The following SLC24A2 variants were observed in gnomAD, a reference collection of about 807,000 sequenced individuals.
SLC24A2 encodes sodium/potassium/calcium exchanger 2.
Under a neutral mutation model 62.0 loss-of-function variants are expected in SLC24A2, and 36 were observed. The ratio of observed to expected loss-of-function variants is 0.58; its 90% CI spans 0.44 to 0.77. SLC24A2 has a LOEUF of 0.77. Ranked by LOEUF, SLC24A2 falls within the 30% of genes least tolerant of loss-of-function variation. SLC24A2 has a pLI of 0.00. For synonymous variants in SLC24A2, 358 were observed against 294.0 expected (o/e 1.22, Z -2.23); for missense variants, 846 against 817.9 (o/e 1.03, Z -0.42).
At chr9:20,221,424 T>G in the SLC24A2 span, among the ~76,000 whole-genome samples, 3 of 151,916 alleles carry the variant, frequency 2.0e-5, no homozygotes. Flanking sequence ...GAAACTAATT[T>G]AGGTGAAAAA....
chr9:19,883,564 G>C, the SLC24A2 span, among the ~76,000 whole-genome samples: 2 of 85,160 alleles, frequency 2.3e-5, no homozygotes, highest in Admixed American at 1.8e-4. Flanking sequence ...TGATGTTTCT[G>C]TACATTGTTT....
the SLC24A2 span, among the ~76,000 whole-genome samples, chr9:19,869,078 C>A: frequency 2.0e-5 from 3 of 152,072 alleles, no homozygotes; most frequent in African/African-American, 7.2e-5. Flanking sequence ...ACCACCTGGG[C>A]TCAAGTGATC....
At chr9:19,664,007 A>G (rs1403928843) in intron 2 of SLC24A2, among the ~76,000 whole-genome samples, 1 of 152,248 alleles carries the variant, frequency 6.6e-6, no homozygotes, top group African/African-American at 2.4e-5. Context: ...TGCCATCCTG[A>G]GCACTGTGGT....
the SLC24A2 span, among the ~76,000 whole-genome samples, chr9:20,207,904 T>C: frequency 6.6e-6 from 1 of 152,330 alleles, no homozygotes; most frequent in East Asian, 1.9e-4. Flanking sequence ...TTTGTGTTTA[T>C]TTTTTACTTT....
chr9:20,074,599 A>G, the SLC24A2 span, among the ~76,000 whole-genome samples: 11 of 61,982 alleles, frequency 1.8e-4, no homozygotes, highest in East Asian at 7.5e-4. Context: ...GGAAGGAAGG[A>G]AGGAAAGAAG....
chr9:20,044,687 G>C, the SLC24A2 span, among the ~76,000 whole-genome samples: 1 of 152,090 alleles, frequency 6.6e-6, no homozygotes, highest in African/African-American at 2.4e-5. Context: ...GAGCTATAAA[G>C]CTCCAAAGAA....
intron 3 of SLC24A2, 41 bp downstream of exon 3, chr9:19,622,220 C>T: frequency 1.3e-6 from 2 of 1,590,888 alleles, no homozygotes; most frequent in Non-Finnish European, 1.7e-6. Context: ...ACGCTCTCCA[C>T]AGGCACACAA....
chr9:19,816,508 C>T, the SLC24A2 span, among the ~76,000 whole-genome samples: 2 of 152,026 alleles, frequency 1.3e-5, no homozygotes, highest in African/African-American at 4.8e-5. Flanking sequence ...TTGGTGGTAG[C>T]TACCTGTATT....
At chr9:20,079,117 A>T in the SLC24A2 span, among the ~76,000 whole-genome samples, 1 of 152,224 alleles carries the variant, frequency 6.6e-6, no homozygotes, top group East Asian at 1.9e-4. Flanking sequence ...TTGTCCTTAC[A>T]GCAGCCAGAA....
At chr9:19,753,636 C>T (rs1822049820) in intron 2 of SLC24A2, among the ~76,000 whole-genome samples, 1 of 152,168 alleles carries the variant, frequency 6.6e-6, no homozygotes, top group Admixed American at 6.6e-5. Context: ...TTAGGCACTT[C>T]CTTGCTTTAA....
At chr9:19,873,536 C>CTCTTTCTTTCTTTCTTTCTT in the SLC24A2 span, among the ~76,000 whole-genome samples, 520 of 137,116 alleles carry the variant, frequency 3.8e-3, 3 homozygotes, top group African/African-American at 0.015. Context: ...TCCTTTCTTT[C>CTCTTTCTTTCTTTCTTTCTT]TCTTTCTTTC....
the SLC24A2 span, among the ~76,000 whole-genome samples, chr9:19,851,018 TATATAC>T: frequency 1.8e-4 from 13 of 73,250 alleles, 4 homozygotes; most frequent in Non-Finnish European, 3.6e-4. Flanking sequence ...CATATATATA[TATATAC>T]ATATTTTTTT....
the SLC24A2 span, among the ~76,000 whole-genome samples, chr9:20,229,098 G>T: frequency 1.3e-5 from 2 of 152,134 alleles, no homozygotes; most frequent in Non-Finnish European, 2.9e-5. Flanking sequence ...CCTGAGGGGA[G>T]TACATACAAT....
chr9:19,647,216 C>A (rs1046517795), intron 2 of SLC24A2, among the ~76,000 whole-genome samples: 1 of 152,096 alleles, frequency 6.6e-6, no homozygotes, highest in African/African-American at 2.4e-5. Context: ...CAAGGAGTCT[C>A]AGACATCTAT....
At chr9:20,109,011 G>C in the SLC24A2 span, among the ~76,000 whole-genome samples, 1 of 152,054 alleles carries the variant, frequency 6.6e-6, no homozygotes, top group Non-Finnish European at 1.5e-5. Flanking sequence ...GTTTAGATGT[G>C]TTTAGATAGG....
At chr9:19,878,224 C>T in the SLC24A2 span, among the ~76,000 whole-genome samples, 1 of 152,078 alleles carries the variant, frequency 6.6e-6, no homozygotes, top group East Asian at 1.9e-4. Flanking sequence ...TTGCAGCAAT[C>T]CTGGGAAAAC....
chr9:19,845,084 A>C, the SLC24A2 span, among the ~76,000 whole-genome samples: 10 of 151,942 alleles, frequency 6.6e-5, no homozygotes, highest in African/African-American at 2.2e-4. Context: ...AATAGCATTG[A>C]ATCTGTAGAT....
intron 10 of SLC24A2, among the ~76,000 whole-genome samples, chr9:19,518,395 T>C (rs1833036364): frequency 6.6e-6 from 1 of 151,902 alleles, no homozygotes; most frequent in Non-Finnish European, 1.5e-5. Context: ...TTAAGCTTTA[T>C]TTTTCTTTTC....
chr9:20,074,610 G>GAAGGAAA, the SLC24A2 span, among the ~76,000 whole-genome samples: 1 of 127,542 alleles, frequency 7.8e-6, no homozygotes, highest in African/African-American at 2.9e-5. Flanking sequence ...AGGAAAGAAG[G>GAAGGAAA]GAGTGAGGGA....
Sources: allele counts gnomAD v4.1 joint callset (sites outside exome capture counted in the v4.1 genomes callset), GRCh38; gene constraint gnomAD v4.1.1; transcripts MANE v1.5; gene names NCBI Gene and HGNC (gene_info 2026-07-23, HGNC 2026-07-21).